SETBP1: variants seen among roughly 807,000 people sequenced by gnomAD.
SETBP1 encodes SET-binding protein.
In SETBP1, 9 loss-of-function variants were observed where a neutral mutation model predicts 101.0. That is an observed-to-expected ratio of 0.09 (90% CI 0.05 to 0.16). SETBP1 has a LOEUF of 0.16. Ranked by LOEUF, SETBP1 falls within the 10% of genes least tolerant of loss-of-function variation. The probability of loss-of-function intolerance (pLI) is 1.00; values close to 1 mark genes in which losing one functional copy is unlikely to be tolerated. For synonymous variants in SETBP1, 818 were observed against 788.5 expected, an observed-to-expected ratio of 1.04 and a Z score of -0.63; for missense variants, 1,858 against 2,033.8, an observed-to-expected ratio of 0.91 and a Z score of 1.66.
chr18:44,775,476 T>G (rs915308251), intron 2 of SETBP1, among the ~76,000 whole-genome samples: 2 of 152,222 alleles, frequency 1.3e-5, no homozygotes, highest in African/African-American at 4.8e-5. Flanking sequence ...ATTCAGTACT[T>G]CAGTTCTGGC....
intron 1 of SETBP1, among the ~76,000 whole-genome samples, chr18:44,691,149 A>C (rs1448357262): frequency 6.6e-6 from 1 of 152,154 alleles, no homozygotes; most frequent in Non-Finnish European, 1.5e-5. Flanking sequence ...TCAAACTAAG[A>C]GGCTTTGTAA....
chr18:44,925,797 T>G (rs2070692904), intron 3 of SETBP1, among the ~76,000 whole-genome samples: 1 of 152,242 alleles, frequency 6.6e-6, no homozygotes, highest in South Asian at 2.1e-4. Context: ...CAAAATGTTT[T>G]CACATCCATT....
intron 4 of SETBP1, among the ~76,000 whole-genome samples, chr18:44,960,692 C>CT (rs1370154017): frequency 6.6e-6 from 1 of 152,088 alleles, no homozygotes; most frequent in Non-Finnish European, 1.5e-5. Context: ...CCAGATTATA[C>CT]TTTATCTTTC....
chr18:44,781,979 A>C (rs2071140668), intron 2 of SETBP1, among the ~76,000 whole-genome samples: 1 of 152,260 alleles, frequency 6.6e-6, no homozygotes, highest in Non-Finnish European at 1.5e-5. Flanking sequence ...AGTTTGTTAT[A>C]AAATGTCCTT....
intron 2 of SETBP1, among the ~76,000 whole-genome samples, chr18:44,830,923 C>T (rs542239960): frequency 9.2e-5 from 14 of 152,192 alleles, no homozygotes; most frequent in South Asian, 6.2e-4. Flanking sequence ...TTCATGACTG[C>T]CTTATAGAGG....
chr18:44,735,819 C>T (rs1464964299), intron 2 of SETBP1, among the ~76,000 whole-genome samples: 1 of 152,216 alleles, frequency 6.6e-6, no homozygotes, highest in Non-Finnish European at 1.5e-5. Context: ...TTCTTACCTG[C>T]TGCTCTCGTG....
chr18:44,867,678 G>A (rs1365073209), intron 2 of SETBP1, among the ~76,000 whole-genome samples: 1 of 152,028 alleles, frequency 6.6e-6, no homozygotes, highest in Non-Finnish European at 1.5e-5. Flanking sequence ...CCAGGGTGGT[G>A]CTGCCTGCCC....
intron 3 of SETBP1, among the ~76,000 whole-genome samples, chr18:44,946,852 G>A (rs1257907966): frequency 6.6e-6 from 1 of 152,182 alleles, no homozygotes; most frequent in Admixed American, 6.5e-5. Flanking sequence ...GACTGTGATA[G>A]ATGTCTTTAT....
intron 2 of SETBP1, among the ~76,000 whole-genome samples, chr18:44,827,061 C>T (rs1300985778): frequency 1.3e-5 from 2 of 152,176 alleles, no homozygotes; most frequent in Non-Finnish European, 2.9e-5. Context: ...TACCTCAGTT[C>T]ATGATGCAAT....
At chr18:45,014,289 C>T (rs1662186759) in intron 4 of SETBP1, among the ~76,000 whole-genome samples, 4 of 152,166 alleles carry the variant, frequency 2.6e-5, no homozygotes, top group Admixed American at 2.6e-4. Context: ...CTAGTTAGGA[C>T]TGGTTTAGTT....
At chr18:44,789,788 C>T (rs1036231871) in intron 2 of SETBP1, among the ~76,000 whole-genome samples, 1 of 152,238 alleles carries the variant, frequency 6.6e-6, no homozygotes, top group Admixed American at 6.5e-5. Context: ...AGTAAACTCA[C>T]TCCTCCCACA....
intron 3 of SETBP1, among the ~76,000 whole-genome samples, chr18:44,916,419 G>T (rs1461142487): frequency 6.6e-6 from 1 of 152,142 alleles, no homozygotes; most frequent in Non-Finnish European, 1.5e-5. Flanking sequence ...TCTTTTGCCT[G>T]CCACCCATGA....
At chr18:44,838,384 T>G (rs750179073) in intron 2 of SETBP1, among the ~76,000 whole-genome samples, 3 of 152,150 alleles carry the variant, frequency 2.0e-5, no homozygotes, top group Non-Finnish European at 4.4e-5. Flanking sequence ...AGTGGAAGAT[T>G]CTACCCTTTT....
chr18:44,884,226 G>A (rs1352960949), intron 3 of SETBP1, among the ~76,000 whole-genome samples: 3 of 152,186 alleles, frequency 2.0e-5, no homozygotes, highest in African/African-American at 7.2e-5. Context: ...GTTCAAGGTG[G>A]ATTACTCCTC....
intron 4 of SETBP1, among the ~76,000 whole-genome samples, chr18:44,994,290 T>A (rs955526812): frequency 1.3e-5 from 2 of 152,120 alleles, no homozygotes; most frequent in African/African-American, 4.8e-5. Flanking sequence ...GATTATAGGA[T>A]TACTCTTGTA....
At chr18:44,996,701 G>T (rs1266065419) in intron 4 of SETBP1, among the ~76,000 whole-genome samples, 3 of 152,212 alleles carry the variant, frequency 2.0e-5, no homozygotes, top group Admixed American at 6.5e-5. Flanking sequence ...TTTACAAGAT[G>T]GAGAACCTCA....
intron 2 of SETBP1, among the ~76,000 whole-genome samples, chr18:44,830,273 G>A (rs114099645): frequency 0.017 from 2,564 of 152,190 alleles, 79 homozygotes; most frequent in Admixed American, 0.083. Context: ...AAGTCAGAAA[G>A]GACCAGCATT....
chr18:44,854,560 AC>A (rs1234162017), intron 2 of SETBP1, among the ~76,000 whole-genome samples: 1 of 152,154 alleles, frequency 6.6e-6, no homozygotes, highest in East Asian at 1.9e-4. Context: ...TGGGCTATTG[AC>A]CATGCCTACC....
In SETBP1 at chr18:44,704,142, TC is replaced by T. The variant is rs1415402321; in HGVS notation, c.486+2314del. Among the ~76,000 whole-genome samples the T allele has an allele frequency of 2.6e-5, 4 of 152,270 alleles. No individual in the cohort carries two copies. The East Asian group carries it at 7.7e-4, about 29-fold the overall frequency. ...CTGATTGTTCCCAAATATAGCTTTC[TC>T]CCCATTGGAACACACCAGAATAATG... On this transcript the variant is annotated intron_variant, in intron 2 of 5. Transcript: ENST00000649279.
Sources: allele counts gnomAD v4.1 joint callset (sites outside exome capture counted in the v4.1 genomes callset), GRCh38; gene constraint gnomAD v4.1.1; transcripts MANE v1.5; gene names NCBI Gene and HGNC (gene_info 2026-07-23, HGNC 2026-07-21).